Variants in SUGCT observed in about 807,000 individuals in gnomAD.
SUGCT encodes the protein succinyl-CoA:glutarate CoA-transferase.
Under a neutral mutation model 55.0 loss-of-function variants are expected in SUGCT, and 41 were observed. The ratio of observed to expected loss-of-function variants is 0.74; its 90% CI spans 0.58 to 0.97. SUGCT has a LOEUF of 0.97. Ranked by LOEUF, SUGCT falls within the 50% of genes least tolerant of loss-of-function variation. SUGCT has a pLI of 0.00. For synonymous variants in SUGCT, 187 were observed against 200.4 expected, an observed-to-expected ratio of 0.93 and a Z score of 0.56; for missense variants, 568 against 547.8, an observed-to-expected ratio of 1.04 and a Z score of -0.37.
chr7:40,372,831 G>A (rs954638797), intron 9 of SUGCT, among the ~76,000 whole-genome samples: 5 of 151,998 alleles, frequency 3.3e-5, no homozygotes, highest in Admixed American at 3.3e-4. Flanking sequence ...TGAGGAGCAG[G>A]TGCATTCTTG....
rs1361690325 is a variant in SUGCT at position 40,333,723 on chromosome 7, C to CAT, written c.816+16876_816+16877dup. Reference sequence around the variant, plus strand: ...TATATAAATATTTATAAAATACACACATATATATAATTTAGTGACAGCATC... The same window carrying CAT: ...TATATAAATATTTATAAAATACACACATATATATATAATTTAGTGACAGCATC... On this transcript the variant is annotated intron_variant, in intron 9 of 13. Transcript: ENST00000335693. Among the ~76,000 whole-genome samples, 9 of 116,068 alleles carry CAT rather than the reference C, an allele frequency of 7.8e-5. No homozygotes were observed. In the South Asian group the frequency reaches 8.6e-4, roughly 11 times the overall value. 76.1% of individuals were successfully genotyped at this position (116,068 alleles called of 152,430 possible). A position where few individuals can be genotyped will look rare whatever the true frequency, so the allele number is the denominator to read the frequency against.
chr7:40,385,607 T>C (rs1323734886), intron 9 of SUGCT, among the ~76,000 whole-genome samples: 1 of 152,244 alleles, frequency 6.6e-6, no homozygotes, highest in African/African-American at 2.4e-5. Flanking sequence ...TTCTCCCATA[T>C]GCAAAAAGGA....
At chr7:40,210,103 A>G (rs1207863711) in intron 6 of SUGCT, among the ~76,000 whole-genome samples, 1 of 151,896 alleles carries the variant, frequency 6.6e-6, no homozygotes, top group Non-Finnish European at 1.5e-5. Context: ...TTTGAGACAG[A>G]GTCTTGCTCT....
intron 12 of SUGCT, among the ~76,000 whole-genome samples, chr7:40,612,252 A>G (rs761962476): frequency 9.2e-5 from 14 of 152,178 alleles, no homozygotes; most frequent in Non-Finnish European, 2.9e-5. Context: ...AAATATGTTC[A>G]TCTATGCAAA....
chr7:40,432,899 C>G (rs1228789256), intron 9 of SUGCT, among the ~76,000 whole-genome samples: 2 of 151,464 alleles, frequency 1.3e-5, no homozygotes, highest in African/African-American at 4.9e-5. Flanking sequence ...TCCTTTCTCT[C>G]TCTCTCTCTC....
At chr7:40,409,147 G>C (rs1452735726) in intron 9 of SUGCT, among the ~76,000 whole-genome samples, 5 of 152,216 alleles carry the variant, frequency 3.3e-5, no homozygotes, top group Admixed American at 2.6e-4. Context: ...TTGAGCTGGG[G>C]TTTTACCATG....
At chr7:40,489,072 T>C (rs1442948805) in intron 11 of SUGCT, among the ~76,000 whole-genome samples, 3 of 152,074 alleles carry the variant, frequency 2.0e-5, no homozygotes, top group Admixed American at 1.3e-4. Context: ...TTTACCTTTC[T>C]CCACTCTCTT....
intron 12 of SUGCT, among the ~76,000 whole-genome samples, chr7:40,662,052 T>C (rs1239173419): frequency 6.6e-6 from 1 of 152,250 alleles, no homozygotes; most frequent in Non-Finnish European, 1.5e-5. Context: ...TGTTTGTTTT[T>C]GTCAAACGTA....
At chr7:40,445,962 A>G (rs952038971) in intron 9 of SUGCT, among the ~76,000 whole-genome samples, 6 of 151,956 alleles carry the variant, frequency 3.9e-5, no homozygotes, top group African/African-American at 4.8e-5. Context: ...CTTTGCATAA[A>G]ATTATTATGT....
chr7:40,950,895 C>T, the SUGCT span, among the ~76,000 whole-genome samples: 19 of 152,228 alleles, frequency 1.2e-4, no homozygotes, highest in East Asian at 2.1e-3. Context: ...CGATGTTCAT[C>T]GGGGATATTG....
At chr7:40,659,570 C>G (rs986070976) in intron 12 of SUGCT, among the ~76,000 whole-genome samples, 1 of 152,186 alleles carries the variant, frequency 6.6e-6, no homozygotes, top group African/African-American at 2.4e-5. Flanking sequence ...TAGAGTAGCC[C>G]TAATTCAGTG....
chr7:40,234,522 TGA>T (rs1190860560), intron 6 of SUGCT, among the ~76,000 whole-genome samples: 2 of 152,234 alleles, frequency 1.3e-5, no homozygotes, highest in Non-Finnish European at 2.9e-5. Context: ...TTCTAAAGAC[TGA>T]GAAAGTAATA....
intron 12 of SUGCT, among the ~76,000 whole-genome samples, chr7:40,533,998 A>T (rs564690462): frequency 1.3e-5 from 2 of 152,200 alleles, no homozygotes; most frequent in Non-Finnish European, 2.9e-5. Context: ...CATATGTGAC[A>T]TTCGAAAGTA....
At chr7:41,033,901 G>T in the SUGCT span, among the ~76,000 whole-genome samples, 1 of 152,166 alleles carries the variant, frequency 6.6e-6, no homozygotes, top group East Asian at 1.9e-4. Flanking sequence ...TGGGTCTTGG[G>T]GGGCCAAGTA....
Position 40,438,052 on chromosome 7 carries a change from T to C in SUGCT, c.817-11235T>C, listed in dbSNP as rs570765274. Among the ~76,000 whole-genome samples, 3 of 152,272 alleles carry C rather than the reference T, an allele frequency of 2.0e-5. No homozygotes were observed. The South Asian group carries it at 6.2e-4, about 32-fold the overall frequency. On this transcript the variant is annotated intron_variant, in intron 9 of 13. Transcript: ENST00000335693. ...ATGATATATTGTGTTGACATGGACT[T>C]CTGAAACCCCTATGTTTTCATCTTT... is the stretch of plus-strand genomic sequence containing the variant.
chr7:41,004,355 C>T, the SUGCT span, among the ~76,000 whole-genome samples: 1 of 152,194 alleles, frequency 6.6e-6, no homozygotes, highest in African/African-American at 2.4e-5. Context: ...TGAAAAGTCC[C>T]AGGCATTTCT....
the SUGCT span, among the ~76,000 whole-genome samples, chr7:40,913,337 T>C: frequency 6.6e-6 from 1 of 152,182 alleles, no homozygotes; most frequent in Admixed American, 6.5e-5. Flanking sequence ...ATCCTGGTTT[T>C]AGAAATATTA....
chr7:40,968,744 G>C, the SUGCT span, among the ~76,000 whole-genome samples: 5 of 152,272 alleles, frequency 3.3e-5, no homozygotes, highest in African/African-American at 1.2e-4. Flanking sequence ...CCAAGGCTGG[G>C]GCACAGAAGC....
intron 12 of SUGCT, among the ~76,000 whole-genome samples, chr7:40,576,626 C>T (rs902356895): frequency 6.6e-6 from 1 of 152,176 alleles, no homozygotes; most frequent in Non-Finnish European, 1.5e-5. Flanking sequence ...TAAACCCGAC[C>T]AGAGGCAAGA....
Sources: gnomAD v4.1 joint callset for allele counts (sites outside exome capture counted in the v4.1 genomes callset) on GRCh38, gnomAD v4.1.1 for gene constraint, MANE v1.5 for transcripts, NCBI Gene and HGNC (gene_info 2026-07-23, HGNC 2026-07-21) for gene names.